Variants in SLC66A2 observed in about 807,000 individuals in gnomAD.
SLC66A2 encodes the protein PQ loop repeat containing 1.
Under a neutral mutation model 25.5 loss-of-function variants are expected in SLC66A2, and 23 were observed. That is an observed-to-expected ratio of 0.90 (90% CI 0.65 to 1.28). The LOEUF (loss-of-function observed/expected upper bound fraction) is 1.28, where lower values mean the gene tolerates loss of function less well. SLC66A2 is among the 50% of genes most tolerant of loss of function. The pLI is 0.00. For synonymous variants in SLC66A2, 193 were observed against 166.5 expected (o/e 1.16, Z -1.23); for missense variants, 396 against 373.1 (o/e 1.06, Z -0.51).
At chr18:79,921,782 T>G (rs1454217248) in intron 4 of SLC66A2, among the ~76,000 whole-genome samples, 2 of 69,396 alleles carry the variant, frequency 2.9e-5, no homozygotes, top group African/African-American at 5.6e-5. Flanking sequence ...GAGGGAGAGG[T>G]CAAGGTCAGT....
chr18:79,922,390 G>A (rs566079550), intron 4 of SLC66A2, among the ~76,000 whole-genome samples: 27 of 152,076 alleles, frequency 1.8e-4, no homozygotes, highest in African/African-American at 5.1e-4. Flanking sequence ...GGTTAGGGGC[G>A]CAGCCCCCCT....
chr18:79,943,666 G>C (rs1052139678), intron 2 of SLC66A2: 1 of 536,052 alleles, frequency 1.9e-6, no homozygotes. Context: ...GAGACACCTG[G>C]GTCAGGAGGG....
chr18:79,935,364 G>A (rs1986978205), intron 3 of SLC66A2: 1 of 152,324 alleles, frequency 6.6e-6, no homozygotes, highest in Non-Finnish European at 1.5e-5. Context: ...ATCCACGTTT[G>A]TGTAGGATGG....
intron 4 of SLC66A2, among the ~76,000 whole-genome samples, chr18:79,933,152 T>C (rs1179489967): frequency 2.6e-5 from 4 of 152,028 alleles, no homozygotes; most frequent in Non-Finnish European, 5.9e-5. Context: ...CACACAAAAA[T>C]CAATCAATGT....
chr18:79,949,830 A>T (rs1312801591), intron 2 of SLC66A2: 2 of 152,248 alleles, frequency 1.3e-5, no homozygotes, highest in African/African-American at 4.8e-5. Flanking sequence ...ATCTGCCCGG[A>T]CAGAGAGGCT....
At chr18:79,948,356 CTT>C (rs138644485) in intron 2 of SLC66A2, among the ~76,000 whole-genome samples, 4,244 of 152,254 alleles carry the variant, frequency 0.028, 90 homozygotes, top group East Asian at 0.06. Flanking sequence ...TAGATAGATT[CTT>C]TTCTTTCTTT....
At chr18:79,950,072 G>C (rs538169467) in intron 2 of SLC66A2, among the ~76,000 whole-genome samples, 32 of 152,196 alleles carry the variant, frequency 2.1e-4, no homozygotes, top group Non-Finnish European at 3.7e-4. Context: ...GCCAGGCGCC[G>C]TGGCTCAGCT....
At chr18:79,907,147 G>T (rs1982230447) in intron 5 of SLC66A2, among the ~76,000 whole-genome samples, 1 of 152,086 alleles carries the variant, frequency 6.6e-6, no homozygotes, top group Admixed American at 6.5e-5. Flanking sequence ...CCTTTAATTG[G>T]TATGATTAGG....
intron 4 of SLC66A2, among the ~76,000 whole-genome samples, chr18:79,922,211 G>A (rs1231153990): frequency 6.6e-6 from 1 of 151,678 alleles, no homozygotes; most frequent in African/African-American, 2.4e-5. Flanking sequence ...AGGGGCCAAG[G>A]AGGGAGGATC....
At chr18:79,916,091 T>TGCTCCCGTACCCGCGGC (rs1568301787) in intron 5 of SLC66A2, 3 of 178,512 alleles carry the variant, frequency 1.7e-5, no homozygotes, top group African/African-American at 9.1e-5. Context: ...GTACCCACGG[T>TGCTCCCGTACCCGCGGC]GCTCTCATAC....
intron 4 of SLC66A2, among the ~76,000 whole-genome samples, chr18:79,933,132 G>A (rs1288571873): frequency 6.6e-6 from 1 of 152,162 alleles, no homozygotes; most frequent in African/African-American, 2.4e-5. Flanking sequence ...AGAATGCAAG[G>A]TTGGTTCAAC....
At chr18:79,923,467 G>C (rs918432015) in intron 4 of SLC66A2, among the ~76,000 whole-genome samples, 1 of 152,106 alleles carries the variant, frequency 6.6e-6, no homozygotes, top group African/African-American at 2.4e-5. Flanking sequence ...ATCTCTGGGA[G>C]ACCTATTTTA....
chr18:79,945,953 A>T (rs150788526), intron 2 of SLC66A2, among the ~76,000 whole-genome samples: 186 of 152,380 alleles, frequency 1.2e-3, no homozygotes, highest in African/African-American at 4.3e-3. Context: ...CCCCTGGGAC[A>T]CACGGAGGCC....
In SLC66A2 at chr18:79,909,407, G is replaced by A. The variant is rs565270706; in HGVS notation, c.609-5224C>T. 6.6e-5 allele frequency among the ~76,000 whole-genome samples: 10 copies of A among 151,956 alleles called. No individual in the cohort carries two copies. The East Asian group carries it at 1.2e-3, about 18-fold the overall frequency. ...CAGTGTCCCCAGTCTTCCTCACCAC[G>A]ATGTACCCAACCTTCCCCATCAGAG... On this transcript the variant is annotated intron_variant, in intron 5 of 5. Coordinates refer to ENST00000397778, the MANE Select transcript of SLC66A2 (RefSeq NM_025078.5).
chr18:79,925,740 A>C (rs1985875431), intron 4 of SLC66A2, among the ~76,000 whole-genome samples: 1 of 152,238 alleles, frequency 6.6e-6, no homozygotes. Flanking sequence ...CCGATTTCTC[A>C]TCAGGTCGTG....
rs1382634538 is a variant in SLC66A2, at chr18:79,903,157, G to A, written c.*819C>T. 1.3e-5 allele frequency: 2 copies of A among 152,386 alleles called. No homozygotes were observed. Among genetic ancestry groups the A allele is most frequent in the East Asian group, 1.9e-4 (1 of 5,198 alleles). 9.4% of individuals were successfully genotyped at this position (152,386 alleles called of 1,614,324 possible). A position where few individuals can be genotyped will look rare whatever the true frequency, so the allele number is the denominator to read the frequency against. On this transcript the variant is annotated 3_prime_UTR_variant, in exon 6 of 6. Coordinates refer to ENST00000397778, the MANE Select transcript of SLC66A2 (RefSeq NM_025078.5). The stretch of plus-strand genomic sequence containing the variant: ...GGGGATCTCCGCCAGCAGAGCCCAA[G>A]AGTGGCGTGCAGACTGCATGTGCAC...
At chr18:79,931,067 A>C (rs760957847) in intron 4 of SLC66A2, among the ~76,000 whole-genome samples, 1 of 152,246 alleles carries the variant, frequency 6.6e-6, no homozygotes, top group Non-Finnish European at 1.5e-5. Flanking sequence ...CTAAGAAAAT[A>C]ATTCAGAAAA....
chr18:79,905,135 GCTCGGCT>G (rs1315085697), intron 5 of SLC66A2, among the ~76,000 whole-genome samples: 1 of 152,216 alleles, frequency 6.6e-6, no homozygotes, highest in Non-Finnish European at 1.5e-5. Context: ...AGCCCACAGT[GCTCGGCT>G]CTAGAGCATC....
At chr18:79,919,539 T>G (rs1431571370) in intron 4 of SLC66A2, 139 bp from the exon 5 acceptor site, 2 of 401,218 alleles carry the variant, frequency 5.0e-6, no homozygotes, top group African/African-American at 6.7e-5. Flanking sequence ...TCAAGGTCAG[T>G]GGGGAGAGAC....
Sources: gnomAD v4.1 joint callset for allele counts (sites outside exome capture counted in the v4.1 genomes callset) on GRCh38, gnomAD v4.1.1 for gene constraint, MANE v1.5 for transcripts, NCBI Gene and HGNC (gene_info 2026-07-23, HGNC 2026-07-21) for gene names.